MAP4K4: variants seen among roughly 807,000 people sequenced by gnomAD.
MAP4K4 encodes HPK/GCK-like kinase HGK.
In MAP4K4, 38 loss-of-function variants were observed where a neutral mutation model predicts 189.6. The observed-to-expected ratio is 0.20, with a 90% CI of 0.15 to 0.26. The LOEUF is 0.26. Among genes scored for constraint, MAP4K4 ranks in the 10% least tolerant of loss-of-function variants. The pLI, the probability that MAP4K4 is intolerant of heterozygous loss-of-function variation, is 1.00. For synonymous variants in MAP4K4, 610 were observed against 624.3 expected (o/e 0.98, Z 0.34); for missense variants, 1,054 against 1,726.9 (o/e 0.61, Z 6.91).
At chr2:101,762,767 C>T (rs528774778) in intron 2 of MAP4K4, among the ~76,000 whole-genome samples, 17 of 152,314 alleles carry the variant, frequency 1.1e-4, no homozygotes, top group Admixed American at 1.0e-3. Flanking sequence ...CTCTCTCTGA[C>T]TTGATAAAAT....
intron 2 of MAP4K4, among the ~76,000 whole-genome samples, chr2:101,758,066 A>G (rs2073829338): frequency 6.6e-6 from 1 of 152,184 alleles, no homozygotes; most frequent in Admixed American, 6.5e-5. Flanking sequence ...ATTGTAAGAA[A>G]AGTTATGTGA....
intron 2 of MAP4K4, among the ~76,000 whole-genome samples, chr2:101,742,419 C>CT (rs1356944715): frequency 6.6e-6 from 1 of 152,046 alleles, no homozygotes; most frequent in East Asian, 1.9e-4. Context: ...TTTCCTGCTC[C>CT]TTGGCTTCCT....
intron 26 of MAP4K4, 60 bp downstream of exon 26, chr2:101,874,312 C>G (rs2098135509): frequency 1.4e-6 from 2 of 1,462,482 alleles, no homozygotes; most frequent in East Asian, 4.8e-5. Flanking sequence ...GGCTGGTCTT[C>G]TAGAGAAGTA....
At chr2:101,729,449 G>A (rs1444871981) in intron 2 of MAP4K4, among the ~76,000 whole-genome samples, 1 of 152,156 alleles carries the variant, frequency 6.6e-6, no homozygotes, top group Non-Finnish European at 1.5e-5. Flanking sequence ...TGTTATAGGT[G>A]TCTTGGGTGG....
intron 18 of MAP4K4, 39 bp from the exon 19 acceptor site, chr2:101,866,389 A>T (rs1445815181): frequency 1.3e-6 from 2 of 1,584,672 alleles, no homozygotes; most frequent in Non-Finnish European, 1.7e-6. Context: ...GCATCTAGAG[A>T]TGACACATTA....
chr2:101,886,688 G>C (rs943144698), intron 29 of MAP4K4, among the ~76,000 whole-genome samples: 8 of 152,174 alleles, frequency 5.3e-5, no homozygotes, highest in Non-Finnish European at 8.8e-5. Flanking sequence ...GTTGTTGCCA[G>C]TGTGGCTCAG....
At chr2:101,878,150 A>G (rs568896174) in intron 27 of MAP4K4, among the ~76,000 whole-genome samples, 2 of 152,370 alleles carry the variant, frequency 1.3e-5, no homozygotes, top group South Asian at 4.1e-4. Flanking sequence ...AGAATCATCC[A>G]GAGATCATAT....
intron 12 of MAP4K4, among the ~76,000 whole-genome samples, chr2:101,845,261 T>C (rs1221400429): frequency 1.3e-5 from 2 of 152,186 alleles, no homozygotes; most frequent in Admixed American, 6.5e-5. Context: ...GAAGTTGTAG[T>C]GTCCTCTGGT....
At chr2:101,788,103 CT>C (rs112653226) in intron 2 of MAP4K4, among the ~76,000 whole-genome samples, 173 of 145,020 alleles carry the variant, frequency 1.2e-3, no homozygotes, top group Non-Finnish European at 1.2e-3. Context: ...TTCACCTGGC[CT>C]TTTTTTTTTT....
chr2:101,754,066 G>A (rs1159357922), intron 2 of MAP4K4, among the ~76,000 whole-genome samples: 2 of 152,098 alleles, frequency 1.3e-5, no homozygotes, highest in Non-Finnish European at 2.9e-5. Flanking sequence ...TAACTGCAAA[G>A]GCTCAATCAA....
intron 23 of MAP4K4, 27 bp downstream of exon 23, chr2:101,870,442 G>A (rs902159360): frequency 8.7e-6 from 14 of 1,612,030 alleles, no homozygotes; most frequent in Non-Finnish European, 1.2e-5. Context: ...TGTTGTCAGA[G>A]GCTGAGCTTC....
intron 2 of MAP4K4, among the ~76,000 whole-genome samples, chr2:101,765,916 C>T (rs1312945359): frequency 6.6e-6 from 1 of 151,954 alleles, no homozygotes; most frequent in African/African-American, 2.4e-5. Context: ...TGTTTCTTTG[C>T]CTTAGTGAAC....
At chr2:101,702,950 G>A (rs1662003595) in intron 2 of MAP4K4, among the ~76,000 whole-genome samples, 1 of 152,220 alleles carries the variant, frequency 6.6e-6, no homozygotes, top group Non-Finnish European at 1.5e-5. Context: ...GTGTTTGTGT[G>A]TGGCAGTAGG....
chr2:101,887,962 G>A (rs746805609), intron 31 of MAP4K4, 25 bp downstream of exon 31: 5 of 1,556,200 alleles, frequency 3.2e-6, no homozygotes, highest in Non-Finnish European at 4.3e-6. Context: ...GGGAAAGGCA[G>A]CATTTGTGAA....
intron 15 of MAP4K4, 75 bp from the exon 16 acceptor site, chr2:101,860,744 TCTTCCA>T: frequency 8.2e-7 from 1 of 1,212,472 alleles, no homozygotes; most frequent in Non-Finnish European, 1.1e-6. Context: ...CCTTTAGATT[TCTTCCA>T]CTTTTAGACT....
chr2:101,732,287 C>T (rs2058776296), intron 2 of MAP4K4, among the ~76,000 whole-genome samples: 1 of 152,234 alleles, frequency 6.6e-6, no homozygotes, highest in East Asian at 1.9e-4. Flanking sequence ...GAACTGATTA[C>T]CCCTCAGGAG....
At chr2:101,743,862 T>G (rs2063920474) in intron 2 of MAP4K4, among the ~76,000 whole-genome samples, 1 of 152,180 alleles carries the variant, frequency 6.6e-6, no homozygotes, top group Non-Finnish European at 1.5e-5. Flanking sequence ...TTCACCTTGT[T>G]GGCCAGGCTG....
chr2:101,859,936 A>G (rs866706355), intron 15 of MAP4K4, 72 bp downstream of exon 15: 16 of 1,406,756 alleles, frequency 1.1e-5, no homozygotes, highest in Middle Eastern at 1.7e-4. Flanking sequence ...ACTGTGTCAT[A>G]TGAGTTCTAG....
exon 33 of MAP4K4, chr2:101,894,140 C>T (rs377512368): frequency 6.5e-6 from 1 of 152,796 alleles, no homozygotes; most frequent in South Asian, 2.1e-4. Flanking sequence ...AGTAACTTCT[C>T]CACAGAAGTG....
Sources: allele counts gnomAD v4.1 joint callset (sites outside exome capture counted in the v4.1 genomes callset), GRCh38; gene constraint gnomAD v4.1.1; transcripts MANE v1.5; gene names NCBI Gene and HGNC (gene_info 2026-07-23, HGNC 2026-07-21).